The following MTMR12 variants were observed in gnomAD, a reference collection of about 807,000 sequenced individuals.
MTMR12 encodes myotubularin-related protein 12.
A neutral mutation model predicts 96.7 loss-of-function variants in MTMR12; 33 were observed. The ratio of observed to expected loss-of-function variants is 0.34; its 90% CI spans 0.26 to 0.46. MTMR12 has a LOEUF of 0.46. Among genes scored for constraint, MTMR12 ranks in the 20% least tolerant of loss-of-function variants. The probability of loss-of-function intolerance (pLI) is 1.00; values close to 1 mark genes in which losing one functional copy is unlikely to be tolerated. For synonymous variants in MTMR12, 298 were observed against 327.2 expected (o/e 0.91, Z 0.96); for missense variants, 721 against 896.1 (o/e 0.80, Z 2.49).
At chr5:32,311,259 A>G (rs969663082) in intron 1 of MTMR12, among the ~76,000 whole-genome samples, 2 of 152,212 alleles carry the variant, frequency 1.3e-5, no homozygotes, top group East Asian at 3.8e-4. Flanking sequence ...AATTGACCAC[A>G]TTGCTTAAAT....
At chr5:32,268,893 G>T in intron 5 of MTMR12, 99 bp from the exon 6 acceptor site, 2 of 848,700 alleles carry the variant, frequency 2.4e-6, no homozygotes, top group South Asian at 2.9e-5. Context: ...CATGCCAAAG[G>T]GGTTCCAATG....
At chr5:32,249,971 T>C (rs1748853118) in intron 8 of MTMR12, among the ~76,000 whole-genome samples, 1 of 152,214 alleles carries the variant, frequency 6.6e-6, no homozygotes, top group South Asian at 2.1e-4. Flanking sequence ...GGCTCAAAGA[T>C]AAACCTGGAG....
intron 1 of MTMR12, among the ~76,000 whole-genome samples, chr5:32,289,224 T>C (rs1750655321): frequency 6.6e-6 from 1 of 152,188 alleles, no homozygotes; most frequent in Non-Finnish European, 1.5e-5. Flanking sequence ...TTCCTAGAAG[T>C]GAAACTGATA....
chr5:32,274,381 G>A (rs1561783832), intron 2 of MTMR12, among the ~76,000 whole-genome samples: 1 of 152,046 alleles, frequency 6.6e-6, no homozygotes, highest in Non-Finnish European at 1.5e-5. Flanking sequence ...TTCTCACTGG[G>A]AATAATGGAA....
At chr5:32,306,184 T>C (rs1379506844) in intron 1 of MTMR12, among the ~76,000 whole-genome samples, 1 of 152,148 alleles carries the variant, frequency 6.6e-6, no homozygotes, top group African/African-American at 2.4e-5. Flanking sequence ...AATAAGAGAA[T>C]GGGCCCCGAG....
chr5:32,258,126 CAA>C (rs36090657), intron 7 of MTMR12, among the ~76,000 whole-genome samples: 1 of 137,518 alleles, frequency 7.3e-6, no homozygotes, highest in Non-Finnish European at 1.6e-5. Context: ...GACCCTGTCT[CAA>C]AAAAAAAAAT....
chr5:32,279,264 T>TA (rs1750188552), intron 1 of MTMR12, among the ~76,000 whole-genome samples: 1 of 150,610 alleles, frequency 6.6e-6, no homozygotes, highest in South Asian at 2.1e-4. Context: ...ACAAAAAAAT[T>TA]AAAAAATCAT....
chr5:32,245,974 C>T (rs192135551), intron 10 of MTMR12, among the ~76,000 whole-genome samples: 348 of 152,308 alleles, frequency 2.3e-3, no homozygotes, highest in Middle Eastern at 0.01. Flanking sequence ...ACCACTTCCA[C>T]CTCTCGGTAG....
intron 6 of MTMR12, among the ~76,000 whole-genome samples, chr5:32,264,076 T>G (rs1381621525): frequency 6.6e-6 from 1 of 152,186 alleles, no homozygotes; most frequent in African/African-American, 2.4e-5. Flanking sequence ...GATCAGGGCC[T>G]GCTAGCCAAG....
intron 11 of MTMR12, among the ~76,000 whole-genome samples, chr5:32,242,941 T>C (rs1748540320): frequency 6.6e-6 from 1 of 152,140 alleles, no homozygotes; most frequent in African/African-American, 2.4e-5. Context: ...CCTCCTGAAA[T>C]GTAGCCTAGC....
At chr5:32,236,876 C>T (rs1466519964) in intron 13 of MTMR12, among the ~76,000 whole-genome samples, 1 of 151,570 alleles carries the variant, frequency 6.6e-6, no homozygotes, top group African/African-American at 2.4e-5. Flanking sequence ...AGAAAAAAAA[C>T]AACCATACTC....
At chr5:32,282,913 T>C (rs373078039) in intron 1 of MTMR12, among the ~76,000 whole-genome samples, 4 of 152,238 alleles carry the variant, frequency 2.6e-5, no homozygotes, top group African/African-American at 9.6e-5. Context: ...TATTTCAATA[T>C]TCTTAAGAGA....
rs1206264852 is a variant in MTMR12 at position 32,248,759 on chromosome 5, A to C, written c.896+13T>G. The C allele has an allele frequency of 6.2e-7, 1 of 1,601,378 alleles. No homozygotes were observed. Among genetic ancestry groups the C allele is most frequent in the African/African-American group, 1.3e-5 (1 of 74,818 alleles). On this transcript the variant is annotated intron_variant, in intron 9 of 15. Transcript: ENST00000382142. ...AGAACTGAACAAGAACAAAATGTAG[A>C]ACTAGTACTGACCCATCTAAGAAGC...
chr5:32,240,676 C>T (rs374957454), intron 12 of MTMR12, among the ~76,000 whole-genome samples: 2 of 152,298 alleles, frequency 1.3e-5, no homozygotes, highest in East Asian at 1.9e-4. Flanking sequence ...TCTTGGCTCA[C>T]TGCAACCTCT....
chr5:32,284,028 G>A (rs1056915536), intron 1 of MTMR12, among the ~76,000 whole-genome samples: 5 of 152,106 alleles, frequency 3.3e-5, no homozygotes, highest in South Asian at 4.2e-4. Context: ...TTGGCCAGGC[G>A]CGGTGGCTTA....
chr5:32,281,173 G>A (rs893039519), intron 1 of MTMR12, among the ~76,000 whole-genome samples: 1 of 150,850 alleles, frequency 6.6e-6, no homozygotes, highest in South Asian at 2.1e-4. Flanking sequence ...GCTTGAACCC[G>A]GGAGGTGGAG....
At chr5:32,268,434 G>C (rs1749692782) in intron 6 of MTMR12, among the ~76,000 whole-genome samples, 1 of 151,842 alleles carries the variant, frequency 6.6e-6, no homozygotes, top group Non-Finnish European at 1.5e-5. Flanking sequence ...CTTGAACCCG[G>C]GAGGCGGAAA....
At chr5:32,302,484 C>G (rs774468694) in intron 1 of MTMR12, among the ~76,000 whole-genome samples, 3 of 151,968 alleles carry the variant, frequency 2.0e-5, no homozygotes, top group Non-Finnish European at 2.9e-5. Context: ...TTTGGGAAGC[C>G]GAGGTGGGTA....
Position 32,229,541 on chromosome 5 carries a change from T to G in MTMR12, c.*237A>C, listed in dbSNP as rs540234790. 3 of 374,372 alleles carry G rather than the reference T, an allele frequency of 8.0e-6. No homozygotes were observed. The highest frequency in any genetic ancestry group is 4.2e-5 in the African/African-American group (2 of 48,172). The allele number at this position is 374,372 out of a possible 1,614,324, so 23.2% of individuals were successfully genotyped here. A position where few individuals can be genotyped will look rare whatever the true frequency, so the allele number is the denominator to read the frequency against. ...CATCAGAAAACGGCCACAACCCTAT[T>G]ACGGGTCAAGTAATAATTCCTTCCA... On this transcript the variant is annotated 3_prime_UTR_variant, in exon 16 of 16. Coordinates refer to ENST00000382142, the MANE Select transcript of MTMR12 (RefSeq NM_001040446.3).
Sources: allele counts gnomAD v4.1 joint callset (sites outside exome capture counted in the v4.1 genomes callset), GRCh38; gene constraint gnomAD v4.1.1; transcripts MANE v1.5; gene names NCBI Gene and HGNC (gene_info 2026-07-23, HGNC 2026-07-21).